Variants in MYT1L observed in about 807,000 individuals in gnomAD.
MYT1L encodes myelin transcription factor 1 like.
A neutral mutation model predicts 126.7 loss-of-function variants in MYT1L; 12 were observed. That is an observed-to-expected ratio of 0.09 (90% confidence interval 0.06 to 0.15). The LOEUF is 0.15. MYT1L is among the 10% of genes least tolerant of loss of function. The pLI, the probability that MYT1L is intolerant of heterozygous loss-of-function variation, is 1.00. For synonymous variants in MYT1L, 541 were observed against 604.2 expected (o/e 0.90, Z 1.53); for missense variants, 979 against 1,585.2 (o/e 0.62, Z 6.49).
At chr2:1,939,998 C>G (rs2056456475) in intron 9 of MYT1L, among the ~76,000 whole-genome samples, 1 of 152,256 alleles carries the variant, frequency 6.6e-6, no homozygotes, top group Non-Finnish European at 1.5e-5. Flanking sequence ...TCCAGAGAAT[C>G]TGTGGCAATG....
chr2:1,988,059 T>C (rs1474798249), intron 5 of MYT1L, among the ~76,000 whole-genome samples: 1 of 152,232 alleles, frequency 6.6e-6, no homozygotes, highest in Admixed American at 6.5e-5. Flanking sequence ...ACTTTGCACA[T>C]GCCTTTAAAA....
intron 2 of MYT1L, among the ~76,000 whole-genome samples, chr2:2,199,296 C>A (rs1005843388): frequency 6.6e-6 from 1 of 152,140 alleles, no homozygotes; most frequent in Admixed American, 6.5e-5. Context: ...AGTTAACCAA[C>A]GTTTTCAGAA....
intron 1 of MYT1L, among the ~76,000 whole-genome samples, chr2:2,303,076 A>C (rs192191406): frequency 2.0e-5 from 3 of 152,294 alleles, no homozygotes; most frequent in East Asian, 3.9e-4. Context: ...GGGAAAAAAA[A>C]CAACAAGAAT....
At chr2:2,308,564 T>A (rs561449604) in intron 1 of MYT1L, among the ~76,000 whole-genome samples, 1 of 152,040 alleles carries the variant, frequency 6.6e-6, no homozygotes, top group African/African-American at 2.4e-5. Flanking sequence ...TACACTTCAC[T>A]ATACTCTACC....
chr2:2,069,202 C>T (rs547152921), intron 3 of MYT1L, among the ~76,000 whole-genome samples: 1 of 152,200 alleles, frequency 6.6e-6, no homozygotes, highest in East Asian at 1.9e-4. Context: ...AGGTATTTCT[C>T]CTAATGCTCT....
chr2:2,172,456 G>A (rs1449980980), intron 3 of MYT1L, among the ~76,000 whole-genome samples: 4 of 152,188 alleles, frequency 2.6e-5, no homozygotes, highest in African/African-American at 4.8e-5. Flanking sequence ...ACTCTTTTTG[G>A]CATGAATTGT....
At chr2:2,192,957 T>A (rs1184928239) in intron 2 of MYT1L, among the ~76,000 whole-genome samples, 1 of 152,036 alleles carries the variant, frequency 6.6e-6, no homozygotes, top group African/African-American at 2.4e-5. Flanking sequence ...ACTCCCTGGC[T>A]CTTCAGGTTT....
chr2:2,041,345 A>T (rs192335286), intron 4 of MYT1L, among the ~76,000 whole-genome samples: 1 of 152,332 alleles, frequency 6.6e-6, no homozygotes, highest in East Asian at 1.9e-4. Flanking sequence ...TTTCCCTTGA[A>T]AAAGTTCACC....
intron 14 of MYT1L, among the ~76,000 whole-genome samples, chr2:1,894,687 C>T (rs2049355703): frequency 6.6e-6 from 1 of 151,884 alleles, no homozygotes; most frequent in Non-Finnish European, 1.5e-5. Context: ...AGGAATAACA[C>T]AAGTTAATGC....
chr2:1,920,956 C>T (rs912033105), intron 10 of MYT1L, among the ~76,000 whole-genome samples: 4 of 152,216 alleles, frequency 2.6e-5, no homozygotes, highest in South Asian at 2.1e-4. Flanking sequence ...CGAGAGTCCC[C>T]GAGCCTCTGG....
intron 2 of MYT1L, among the ~76,000 whole-genome samples, chr2:2,226,334 C>T (rs1214424162): frequency 6.7e-6 from 1 of 150,220 alleles, no homozygotes; most frequent in Non-Finnish European, 1.5e-5. Context: ...CATATTTGTT[C>T]TATAATAAAA....
intron 2 of MYT1L, among the ~76,000 whole-genome samples, chr2:2,256,039 A>AG (rs2094801535): frequency 6.6e-6 from 1 of 152,202 alleles, no homozygotes; most frequent in Admixed American, 6.5e-5. Flanking sequence ...TTTTCTAAAG[A>AG]GAAGGTCCAC....
At chr2:1,993,718 A>G (rs1309352774) in intron 5 of MYT1L, among the ~76,000 whole-genome samples, 2 of 152,218 alleles carry the variant, frequency 1.3e-5, no homozygotes, top group Non-Finnish European at 2.9e-5. Flanking sequence ...TCGTCACTTT[A>G]CCATTAAAAA....
At chr2:1,956,546 TATC>T (rs1253751446) in intron 8 of MYT1L, among the ~76,000 whole-genome samples, 26 of 147,392 alleles carry the variant, frequency 1.8e-4, no homozygotes, top group African/African-American at 5.5e-4. Context: ...TCTATCTATC[TATC>T]ATCTATCCTA....
intron 22 of MYT1L, among the ~76,000 whole-genome samples, 200 bp downstream of exon 22, chr2:1,808,876 C>T (rs761773128): frequency 1.3e-5 from 2 of 152,162 alleles, no homozygotes; most frequent in South Asian, 2.1e-4. Flanking sequence ...GCAGTGAAAT[C>T]GGTGAAGGTG....
intron 9 of MYT1L, among the ~76,000 whole-genome samples, chr2:1,935,976 G>T (rs1303543941): frequency 6.6e-6 from 1 of 152,140 alleles, no homozygotes; most frequent in Non-Finnish European, 1.5e-5. Flanking sequence ...TGGAGTGCAA[G>T]GCTGTGATCT....
intron 3 of MYT1L, among the ~76,000 whole-genome samples, chr2:2,096,118 G>C (rs73911347): frequency 6.6e-6 from 1 of 152,318 alleles, no homozygotes; most frequent in Admixed American, 6.5e-5. Context: ...TGACCACAGC[G>C]AATATTTAAA....
At chr2:1,895,695 A>T (rs1288858265) in intron 14 of MYT1L, among the ~76,000 whole-genome samples, 3 of 152,262 alleles carry the variant, frequency 2.0e-5, no homozygotes, top group Non-Finnish European at 4.4e-5. Flanking sequence ...AACAAGATGG[A>T]TTAAAGATGT....
chr2:2,107,797 G>C (rs73173984), intron 3 of MYT1L, among the ~76,000 whole-genome samples: 3,477 of 152,222 alleles, frequency 0.023, 126 homozygotes, highest in African/African-American at 0.079. Context: ...GAGAGGACAG[G>C]AAGTTTCAGC....
Sources: allele counts gnomAD v4.1 joint callset (sites outside exome capture counted in the v4.1 genomes callset), GRCh38; gene constraint gnomAD v4.1.1; transcripts MANE v1.5; gene names NCBI Gene and HGNC (gene_info 2026-07-23, HGNC 2026-07-21).